ZSWIM9: variants seen among roughly 807,000 people sequenced by gnomAD.
The protein encoded by ZSWIM9 is uncharacterized protein ZSWIM9.
ZSWIM9 carries 11 observed loss-of-function variants against 25.0 expected under a neutral mutation model. The observed-to-expected ratio is 0.44, with a 90% CI of 0.28 to 0.73. ZSWIM9 has a LOEUF of 0.73. ZSWIM9 is among the 30% of genes least tolerant of loss of function. The probability of loss-of-function intolerance (pLI) is 0.16; values close to 1 mark genes in which losing one functional copy is unlikely to be tolerated. For missense variants in ZSWIM9, 1,070 were observed against 1,296.5 expected (o/e 0.83, Z 2.68); for synonymous variants, 562 against 582.1 (o/e 0.97, Z 0.50).
At chr19:48,172,140 G>A in intron 2 of ZSWIM9, 63 bp downstream of exon 2, 1 of 1,333,298 alleles carries the variant, frequency 7.5e-7, no homozygotes, top group Non-Finnish European at 1.0e-6. Flanking sequence ...GGGTGTGGGT[G>A]GGAGACGGGC....
intron 3 of ZSWIM9, among the ~76,000 whole-genome samples, chr19:48,191,609 T>C (rs1210072907): frequency 6.6e-6 from 1 of 152,184 alleles, no homozygotes; most frequent in African/African-American, 2.4e-5. Flanking sequence ...TACTCACGTG[T>C]CGGAAGAGGT....
In ZSWIM9 at chr19:48,195,055, G is replaced by C. The variant is rs1339315546; in HGVS notation, c.991G>C (p.Glu331Gln). The change falls in exon 4 of 4, where the codon GAG (glutamate) becomes CAG (glutamine). Residue 331 changes from glutamate to glutamine, a missense_variant. By Grantham distance (29) the Glu-to-Gln change is conservative (BLOSUM62 2). Around this residue, in one of 4 missense-constraint regions of ZSWIM9, gnomAD observed 184 missense variants for 243.1 expected, o/e 0.76. Coordinates refer to ENST00000614654, the MANE Select transcript of ZSWIM9 (RefSeq NM_199341.4). The surrounding 1 kb of genome is among the most constrained non-coding windows in gnomAD (Gnocchi z 5.8). ...GLETLFSKAQ[E>Q]LGGAGREDPG... ...GGAGACGCTCTTCAGCAAGGCGCAGGAGCTGGGCGGCGCCGGCCGCGAGGA... is the reference window on the plus strand; with the variant it reads ...GGAGACGCTCTTCAGCAAGGCGCAGCAGCTGGGCGGCGCCGGCCGCGAGGA... 3 of 1,378,516 alleles carry C rather than the reference G, an allele frequency of 2.2e-6. No homozygotes were observed. The highest frequency in any genetic ancestry group is 2.8e-6 in the Non-Finnish European group (3 of 1,074,396). The allele number at this position is 1,378,516 out of a possible 1,614,324, so 85.4% of individuals were successfully genotyped here. A position where few individuals can be genotyped will look rare whatever the true frequency, so the allele number is the denominator to read the frequency against.
chr19:48,194,584 C>T lies in ZSWIM9; in HGVS notation c.589-69C>T. On this transcript the variant is annotated intron_variant, in intron 3 of 3. Transcript: ENST00000614654. The surrounding 1 kb of genome is among the most constrained non-coding windows in gnomAD (Gnocchi z 6.0). Reference sequence around the variant, plus strand: ...TTTCCGTAGAAGGGGAAACCGAGGTCGGGGAGCTGGGCGGGGAGACCCCAG... The same window carrying T: ...TTTCCGTAGAAGGGGAAACCGAGGTTGGGGAGCTGGGCGGGGAGACCCCAG... 1 of 1,336,612 alleles carries T rather than the reference C, an allele frequency of 7.5e-7. No homozygotes were observed. Among genetic ancestry groups the T allele is most frequent in the South Asian group, 1.9e-5 (1 of 53,998 alleles). 82.8% of individuals were successfully genotyped at this position (1,336,612 alleles called of 1,614,324 possible).
intron 1 of ZSWIM9, chr19:48,171,344 C>T: frequency 1.0e-6 from 1 of 985,308 alleles, no homozygotes; most frequent in Non-Finnish European, 1.2e-6. Context: ...CAACTGTTGG[C>T]ACATGGAAGG....
chr19:48,194,727 G>T lies in ZSWIM9; in HGVS notation c.663G>T (p.Leu221=). The T allele has an allele frequency of 6.5e-7, 1 of 1,532,690 alleles. No individual in the cohort carries two copies. Among genetic ancestry groups the T allele is most frequent in the Non-Finnish European group, 8.7e-7 (1 of 1,145,206 alleles). 94.9% of individuals were successfully genotyped at this position (1,532,690 alleles called of 1,614,324 possible). ...TCCTGACGTCGCGCACCAGGGCGCTGCTGCGGCGCTTCCCTCGCATGCTGC... is the reference window on the plus strand; with the variant it reads ...TCCTGACGTCGCGCACCAGGGCGCTTCTGCGGCGCTTCCCTCGCATGCTGC... The part of the protein sequence containing the change: ...VFFLTSRTRA[L]LRRFPRMLLV... The change falls in exon 4 of 4, where the codon CTG becomes CTT. Residue 221 remains leucine (L), a synonymous_variant. Coordinates refer to ENST00000614654, the MANE Select transcript of ZSWIM9 (RefSeq NM_199341.4). This position sits in a 1 kb window ranked among gnomAD's most constrained non-coding sequence, Gnocchi z 6.0.
Position 48,187,505 on chromosome 19 carries a change from A to G in ZSWIM9, c.588+4738A>G, listed in dbSNP as rs1483054112. On this transcript the variant is annotated intron_variant, in intron 3 of 3. Transcript: ENST00000614654. Reference sequence around the variant, plus strand: ...TATATATTATATTATAATATATTATATTATATTATATATATTATATATTAT... The same window carrying G: ...TATATATTATATTATAATATATTATGTTATATTATATATATTATATATTAT... Among the ~76,000 whole-genome samples the G allele has an allele frequency of 8.5e-3, 759 of 89,202 alleles. 18 individuals carry two copies. The highest frequency in any genetic ancestry group is 0.034 in the African/African-American group (726 of 21,386). The allele number at this position is 89,202 out of a possible 152,430, so 58.5% of individuals were successfully genotyped here.
chr19:48,184,069 A>G (rs573042568), intron 3 of ZSWIM9, among the ~76,000 whole-genome samples: 46 of 151,988 alleles, frequency 3.0e-4, no homozygotes, highest in Middle Eastern at 3.4e-3. Flanking sequence ...ATGGAGAATT[A>G]GGAGAAGGAA....
chr19:48,196,043 T>G lies in ZSWIM9; in HGVS notation c.1979T>G (p.Val660Gly), dbSNP rs1599939598. 2 of 1,258,534 alleles carry G rather than the reference T, an allele frequency of 1.6e-6. No individual in the cohort carries two copies. The highest frequency in any genetic ancestry group is 6.7e-5 in the South Asian group (2 of 29,998). The allele number at this position is 1,258,534 out of a possible 1,614,324, so 78.0% of individuals were successfully genotyped here. Residue 660 changes from valine to glycine, a missense_variant, in exon 4 of 4, where the codon GTC becomes GGC. Coordinates refer to ENST00000614654, the MANE Select transcript of ZSWIM9 (RefSeq NM_199341.4). ...GTAGAGAAGGGGAGGGGGCTGGAGGTCAGAAACTTGAGGGGGATCCCCTTG... is the reference window on the plus strand; with the variant it reads ...GTAGAGAAGGGGAGGGGGCTGGAGGGCAGAAACTTGAGGGGGATCCCCTTG... ...SEVEKGRGLEVRNLRGIPLEK... is the reference protein window; with the variant it reads ...SEVEKGRGLEGRNLRGIPLEK...
Position 48,196,658 on chromosome 19 carries a change from G to A in ZSWIM9, c.2594G>A (p.Gly865Asp). Residue 865 changes from glycine (G) to aspartate (D), a missense_variant, in exon 4 of 4, where the codon GGC becomes GAC. Around this residue, in one of 4 missense-constraint regions of ZSWIM9, gnomAD observed 583 missense variants for 624.7 expected, o/e 0.93. Transcript: ENST00000614654. The stretch of plus-strand genomic sequence containing the variant: ...GGAGCTGGCTTTGCCCTTAAGGACG[G>A]CACCTCGGACTTCTTCCTGGATGGG... Reference protein sequence around the residue: ...WTGAGFALKDGTSDFFLDGAL... With the variant: ...WTGAGFALKDDTSDFFLDGAL... 23 of 1,232,788 alleles carry A rather than the reference G, an allele frequency of 1.9e-5. No homozygotes were observed. The highest frequency in any genetic ancestry group is 2.3e-5 in the Non-Finnish European group (23 of 988,478). 76.4% of individuals were successfully genotyped at this position (1,232,788 alleles called of 1,614,324 possible).
rs899312191 is a variant in ZSWIM9 at position 48,195,441 on chromosome 19, G to A, written c.1377G>A (p.Gly459=). ...GGCCTTGGCTGGAGGATGAGCCAGG[G>A]AGGGGAGCCCAGGGGGAGAACGAGA... The part of the protein sequence containing the change: ...GGGPWLEDEP[G]RGAQGENERV... Residue 459 remains glycine, a synonymous_variant, in exon 4 of 4, where the codon GGG becomes GGA. Coordinates refer to ENST00000614654, the MANE Select transcript of ZSWIM9 (RefSeq NM_199341.4). The surrounding 1 kb of genome is among the most constrained non-coding windows in gnomAD (Gnocchi z 5.8). The A allele has an allele frequency of 6.9e-7, 1 of 1,440,506 alleles. No homozygotes were observed. Among genetic ancestry groups the A allele is most frequent in the South Asian group, 1.5e-5 (1 of 68,364 alleles). The allele number at this position is 1,440,506 out of a possible 1,614,324, so 89.2% of individuals were successfully genotyped here.
Position 48,196,420 on chromosome 19 carries a change from A to C in ZSWIM9, c.2356A>C (p.Ser786Arg). Residue 786 changes from serine (S) to arginine (R), a missense_variant, in exon 4 of 4, where the codon AGT (serine) becomes CGT (arginine). This residue lies in a region of ZSWIM9 where 583 missense variants were observed against 624.7 expected (regional missense o/e 0.93). Transcript: ENST00000614654. Reference sequence around the variant, plus strand: ...CAGCCCAGAATGGGCAGCGGCGAGGAGTGAACACCTGGCTGCAGGTGACGG... The same window carrying C: ...CAGCCCAGAATGGGCAGCGGCGAGGCGTGAACACCTGGCTGCAGGTGACGG... ...EGSPEWAAAR[S>R]EHLAAGDGLQ... 2 of 1,232,360 alleles carry C rather than the reference A, an allele frequency of 1.6e-6. No homozygotes were observed. The highest frequency in any genetic ancestry group is 3.1e-5 in the African/African-American group (2 of 64,458). The allele number at this position is 1,232,360 out of a possible 1,614,324, so 76.3% of individuals were successfully genotyped here.
intron 1 of ZSWIM9, chr19:48,171,222 C>A (rs1271205794): frequency 2.0e-6 from 2 of 985,210 alleles, no homozygotes; most frequent in South Asian, 9.4e-5. Context: ...GCCAGAGGCA[C>A]ATCTGGGGAG....
intron 2 of ZSWIM9, among the ~76,000 whole-genome samples, chr19:48,174,503 C>T (rs1224965098): frequency 6.6e-6 from 1 of 152,142 alleles, no homozygotes; most frequent in Non-Finnish European, 1.5e-5. Flanking sequence ...TGAGTGACTT[C>T]ACCTTTCTGT....
intron 1 of ZSWIM9, 84 bp downstream of exon 1, chr19:48,170,798 G>A (rs1281263964): frequency 7.0e-6 from 1 of 142,612 alleles, no homozygotes; most frequent in Non-Finnish European, 1.5e-5. Context: ...GGAAGGTGCC[G>A]CAGCGGGCGG....
chr19:48,197,476 C>T lies in ZSWIM9; in HGVS notation c.*649C>T. The T allele has an allele frequency of 3.4e-6, 2 of 592,256 alleles. No individual in the cohort carries two copies. The highest frequency in any genetic ancestry group is 2.1e-5 in the South Asian group (1 of 48,612). The allele number at this position is 592,256 out of a possible 1,614,324, so 36.7% of individuals were successfully genotyped here. The stretch of plus-strand genomic sequence containing the variant: ...TGCAAGGGGCGTGGTTTTGGTTTTT[C>T]TCCAAGACCTGGAGACATCGACCCC... On this transcript the variant is annotated 3_prime_UTR_variant, in exon 4 of 4. Transcript: ENST00000614654.
chr19:48,195,771 T>C lies in ZSWIM9; in HGVS notation c.1707T>C (p.Asp569=), dbSNP rs907098838. The stretch of plus-strand genomic sequence containing the variant: ...GGCCCCAGTTGGAGGGTGAGAAAGA[T>C]TGGGGACTGGAAGGTTATGTCTGGA... The part of the protein sequence containing the change: ...WRGPQLEGEK[D]WGLEGYVWRG... The change falls in exon 4 of 4, where the codon GAT becomes GAC. Residue 569 remains aspartate (D), a synonymous_variant. Coordinates refer to ENST00000614654, the MANE Select transcript of ZSWIM9 (RefSeq NM_199341.4). This position sits in a 1 kb window ranked among gnomAD's most constrained non-coding sequence, Gnocchi z 5.8. 9 of 1,482,978 alleles carry C rather than the reference T, an allele frequency of 6.1e-6. No individual in the cohort carries two copies. Among genetic ancestry groups the C allele is most frequent in the African/African-American group, 5.8e-5 (4 of 68,582 alleles). The allele number at this position is 1,482,978 out of a possible 1,614,324, so 91.9% of individuals were successfully genotyped here.
At chr19:48,173,785 C>T (rs140269769) in intron 2 of ZSWIM9, among the ~76,000 whole-genome samples, 123 of 152,060 alleles carry the variant, frequency 8.1e-4, no homozygotes, top group African/African-American at 2.8e-3. Flanking sequence ...TACAGGCATG[C>T]GCCACCATGC....
In ZSWIM9 at chr19:48,196,178, G is replaced by C; in HGVS notation, c.2114G>C (p.Gly705Ala). 8.1e-7 allele frequency: 1 copy of C among 1,235,130 alleles called. No homozygotes were observed. The highest frequency in any genetic ancestry group is 1.0e-6 in the Non-Finnish European group (1 of 990,158). 76.5% of individuals were successfully genotyped at this position (1,235,130 alleles called of 1,614,324 possible). ...EIAEERGARV[G>A]VKRRRGLEDI... The stretch of plus-strand genomic sequence containing the variant: ...GCAGAGGAGAGGGGAGCGAGGGTGG[G>C]GGTCAAAAGAAGAAGGGGCCTGGAG... The change falls in exon 4 of 4, where the codon GGG becomes GCG. Residue 705 changes from glycine to alanine, a missense_variant. This residue lies in a region of ZSWIM9 where 583 missense variants were observed against 624.7 expected (regional missense o/e 0.93). Coordinates refer to ENST00000614654, the MANE Select transcript of ZSWIM9 (RefSeq NM_199341.4).
Position 48,196,739 on chromosome 19 carries a change from A to G in ZSWIM9, c.2675A>G (p.His892Arg). 2 of 1,233,220 alleles carry G rather than the reference A, an allele frequency of 1.6e-6. No homozygotes were observed. Among genetic ancestry groups the G allele is most frequent in the Non-Finnish European group, 2.0e-6 (2 of 988,794 alleles). The allele number at this position is 1,233,220 out of a possible 1,614,324, so 76.4% of individuals were successfully genotyped here. The stretch of plus-strand genomic sequence containing the variant: ...GCCGCCCGCCGTCTGCCCTGCAGAC[A>G]CCTCTTTGCAGCGCGCCTCCTCACT... ...IHAARRLPCR[H>R]LFAARLLTGA... The change falls in exon 4 of 4, where the codon CAC becomes CGC. Residue 892 changes from histidine to arginine, a missense_variant. Coordinates refer to ENST00000614654, the MANE Select transcript of ZSWIM9 (RefSeq NM_199341.4).
Sources: allele counts gnomAD v4.1 joint callset (sites outside exome capture counted in the v4.1 genomes callset), GRCh38; gene constraint gnomAD v4.1.1; regional missense constraint gnomAD v4.1.1; non-coding constraint Gnocchi (gnomAD v3.1); transcripts MANE v1.5; gene names NCBI Gene and HGNC (gene_info 2026-07-23, HGNC 2026-07-21).